Variants in ARMH4 observed in about 807,000 individuals in gnomAD.
ARMH4 encodes armadillo like helical domain containing 4.
Under a neutral mutation model 61.9 loss-of-function variants are expected in ARMH4, and 49 were observed. The observed-to-expected ratio is 0.79, with a 90% CI of 0.63 to 1.00. ARMH4 has a LOEUF of 1.00. Among genes scored for constraint, ARMH4 ranks in the 50% least tolerant of loss-of-function variants. The pLI, the probability that ARMH4 is intolerant of heterozygous loss-of-function variation, is 0.00. For missense variants in ARMH4, 934 were observed against 930.0 expected (o/e 1.00, Z -0.06); for synonymous variants, 368 against 341.5 (o/e 1.08, Z -0.85).
At position 58,000,849 on chromosome 14, in the gene ARMH4, T is replaced by A. The variant is rs1881956821; in HGVS notation, c.*3887A>T. On this transcript the variant is annotated 3_prime_UTR_variant, in exon 8 of 8. Transcript: ENST00000267485. ...ACCTCATGATCTGCCCACCTTGGCC[T>A]CCCAAAGTGCTGGGATTACAGGCGT... 6.6e-6 allele frequency: 1 copy of A among 152,288 alleles called. No individual in the cohort carries two copies. The highest frequency in any genetic ancestry group is 2.4e-5 in the African/African-American group (1 of 41,428). The allele number at this position is 152,288 out of a possible 1,614,324, so 9.4% of individuals were successfully genotyped here.
Position 58,138,897 on chromosome 14 carries a change from A to G in ARMH4, c.462T>C (p.Ser154=). ...MLTIAITATP[S]LTVDEKEELL... ...GTTCCTCCTTTTCATCAACAGTCAG[A>G]GAAGGAGTCGCAGTGATAGCAATGG... The change falls in exon 2 of 8, where the codon TCT becomes TCC. Residue 154 remains serine, a synonymous_variant. Transcript: ENST00000267485. 6.2e-7 allele frequency: 1 copy of G among 1,614,206 alleles called. No homozygotes were observed. Among genetic ancestry groups the G allele is most frequent in the Non-Finnish European group, 8.5e-7 (1 of 1,180,034 alleles).
rs753391803 is a variant in ARMH4 at position 58,002,323 on chromosome 14, G to A, written c.*2413C>T. 1.3e-5 allele frequency: 2 copies of A among 152,076 alleles called. No individual in the cohort carries two copies. The highest frequency in any genetic ancestry group is 2.9e-5 in the Non-Finnish European group (2 of 68,016). 9.4% of individuals were successfully genotyped at this position (152,076 alleles called of 1,614,324 possible). A position where few individuals can be genotyped will look rare whatever the true frequency, so the allele number is the denominator to read the frequency against. ...CACCGACCTTCCACTCAATCCAGAT[G>A]TTTAAATGGGTTTGTACAGAAATGT... On this transcript the variant is annotated 3_prime_UTR_variant, in exon 8 of 8. Transcript: ENST00000267485.
chr14:58,128,446 C>T (rs10132166), intron 4 of ARMH4, among the ~76,000 whole-genome samples: 87,888 of 151,948 alleles, frequency 0.58, 25,825 homozygotes, highest in Middle Eastern at 0.67. Flanking sequence ...TAAATACAGC[C>T]CTCGTAGAGG....
chr14:58,055,428 A>T (rs1408854571), intron 5 of ARMH4, among the ~76,000 whole-genome samples: 3 of 152,188 alleles, frequency 2.0e-5, no homozygotes, highest in African/African-American at 7.2e-5. Context: ...AAGATGAGGT[A>T]GAATAAATAG....
intron 4 of ARMH4, among the ~76,000 whole-genome samples, chr14:58,098,030 T>C (rs1473569079): frequency 6.6e-6 from 1 of 152,066 alleles, no homozygotes; most frequent in Non-Finnish European, 1.5e-5. Flanking sequence ...CCCACAAAGT[T>C]CACAGAAGGC....
chr14:58,074,044 A>G (rs1360534081), intron 5 of ARMH4, among the ~76,000 whole-genome samples: 2 of 152,242 alleles, frequency 1.3e-5, no homozygotes, highest in African/African-American at 4.8e-5. Context: ...TAAACCAACA[A>G]GCACATTTAA....
chr14:58,085,807 T>C (rs1885358521), intron 5 of ARMH4, among the ~76,000 whole-genome samples: 1 of 152,190 alleles, frequency 6.6e-6, no homozygotes, highest in African/African-American at 2.4e-5. Context: ...AACCAACAAG[T>C]TCAAATTTAC....
At chr14:58,025,600 T>A (rs1382684711) in intron 5 of ARMH4, among the ~76,000 whole-genome samples, 8 of 152,212 alleles carry the variant, frequency 5.3e-5, no homozygotes, top group African/African-American at 1.9e-4. Context: ...TCTTTCTTGT[T>A]ATTTAACCAT....
rs59676249 is a variant in ARMH4, at chr14:58,003,155, AGCTATTCCCT to A, written c.*1571_*1580del. On this transcript the variant is annotated 3_prime_UTR_variant, in exon 8 of 8. Transcript: ENST00000267485. ...CACATCAAACGTTCCTTGACCAGGCAGCTATTCCCTGCTATTCCCTTAGAACCTTTGTTTT... is the reference window on the plus strand; with the variant it reads ...CACATCAAACGTTCCTTGACCAGGCAGCTATTCCCTTAGAACCTTTGTTTT... 33,107 of 152,006 alleles carry A rather than the reference AGCTATTCCCT, an allele frequency of 0.22. 4,277 individuals are homozygous for A. The highest frequency in any genetic ancestry group is 0.56 in the East Asian group (2,847 of 5,098). 9.4% of individuals were successfully genotyped at this position (152,006 alleles called of 1,614,324 possible).
chr14:58,098,257 C>CT (rs34948541), intron 4 of ARMH4, among the ~76,000 whole-genome samples: 14,842 of 152,160 alleles, frequency 0.098, 951 homozygotes, highest in Non-Finnish European at 0.14. Context: ...CACCTTTAAT[C>CT]TTTTTTTATT....
intron 5 of ARMH4, among the ~76,000 whole-genome samples, chr14:58,050,213 G>T (rs1431834882): frequency 6.6e-6 from 1 of 152,210 alleles, no homozygotes; most frequent in Admixed American, 6.5e-5. Flanking sequence ...AGCAAATGCT[G>T]TTAGGGCAAC....
At chr14:58,063,512 T>C (rs939619976) in intron 5 of ARMH4, among the ~76,000 whole-genome samples, 26 of 152,186 alleles carry the variant, frequency 1.7e-4, no homozygotes, top group African/African-American at 5.8e-4. Flanking sequence ...AAATAACATT[T>C]TATTAAAGAT....
At chr14:58,073,438 A>G (rs1884948675) in intron 5 of ARMH4, among the ~76,000 whole-genome samples, 1 of 152,208 alleles carries the variant, frequency 6.6e-6, no homozygotes, top group Admixed American at 6.5e-5. Context: ...TGTCCTCTTT[A>G]TCAGGTTGTT....
At chr14:58,024,824 G>A (rs1882965567) in intron 5 of ARMH4, among the ~76,000 whole-genome samples, 1 of 152,128 alleles carries the variant, frequency 6.6e-6, no homozygotes, top group Non-Finnish European at 1.5e-5. Context: ...AAGAACGGGA[G>A]AGTGATTAGG....
chr14:58,140,178 G>A (rs1435492220), intron 1 of ARMH4, among the ~76,000 whole-genome samples: 1 of 151,680 alleles, frequency 6.6e-6, no homozygotes, highest in East Asian at 1.9e-4. Flanking sequence ...AGGAGACTGA[G>A]GCGAGAGAAT....
chr14:58,022,165 C>A (rs1432961492), intron 5 of ARMH4, among the ~76,000 whole-genome samples: 1 of 152,154 alleles, frequency 6.6e-6, no homozygotes, highest in Non-Finnish European at 1.5e-5. Flanking sequence ...AATCCACATG[C>A]AATCCTTGGC....
chr14:58,091,566 C>T (rs923893499), intron 5 of ARMH4, among the ~76,000 whole-genome samples: 4 of 152,040 alleles, frequency 2.6e-5, no homozygotes, highest in Non-Finnish European at 2.9e-5. Flanking sequence ...AAATGAATCA[C>T]CAGGTATTAA....
At chr14:58,009,319 G>A (rs1224622318) in intron 6 of ARMH4, among the ~76,000 whole-genome samples, 1 of 152,010 alleles carries the variant, frequency 6.6e-6, no homozygotes, top group Non-Finnish European at 1.5e-5. Context: ...AAAAGAAAGG[G>A]GTGTCATTAG....
rs369790083 is a variant in ARMH4 at position 58,051,203 on chromosome 14, A to G, written c.2090-39053T>C. 2.0e-5 allele frequency among the ~76,000 whole-genome samples: 3 copies of G among 152,142 alleles called. No individual in the cohort carries two copies. The East Asian group carries it at 5.8e-4, about 29-fold the overall frequency. On this transcript the variant is annotated intron_variant, in intron 5 of 7. Transcript: ENST00000267485. Reference sequence around the variant, plus strand: ...ATCTGTGGCAACTTAGCAGGTAAAAATGGTTTGAAGAGCAGCACAGAGGAT... The same window carrying G: ...ATCTGTGGCAACTTAGCAGGTAAAAGTGGTTTGAAGAGCAGCACAGAGGAT...
Sources: gnomAD v4.1 joint callset for allele counts (sites outside exome capture counted in the v4.1 genomes callset) on GRCh38, gnomAD v4.1.1 for gene constraint, MANE v1.5 for transcripts, NCBI Gene and HGNC (gene_info 2026-07-23, HGNC 2026-07-21) for gene names.